Variants in SLC28A3 observed in about 807,000 individuals in gnomAD.
SLC28A3 encodes the protein solute carrier family 28 member 3.
Under a neutral mutation model 84.2 loss-of-function variants are expected in SLC28A3, and 68 were observed. The ratio of observed to expected loss-of-function variants is 0.81; its 90% CI spans 0.66 to 0.99. The LOEUF is 0.99. Among genes scored for constraint, SLC28A3 ranks in the 50% least tolerant of loss-of-function variants. The probability of loss-of-function intolerance (pLI) is 0.00; values close to 1 mark genes in which losing one functional copy is unlikely to be tolerated. For missense variants in SLC28A3, 712 were observed against 841.5 expected, an observed-to-expected ratio of 0.85 and a Z score of 1.90; for synonymous variants, 267 against 303.6, an observed-to-expected ratio of 0.88 and a Z score of 1.25.
chr9:84,292,947 A>G (rs1588574136), intron 9 of SLC28A3, among the ~76,000 whole-genome samples, 199 bp from the exon 10 acceptor site: 1 of 152,354 alleles, frequency 6.6e-6, no homozygotes, highest in South Asian at 2.1e-4. Flanking sequence ...TGGAGTAGTA[A>G]GTCTGAGTCA....
chr9:84,361,758 A>AT, the SLC28A3 span, among the ~76,000 whole-genome samples: 2 of 151,764 alleles, frequency 1.3e-5, no homozygotes, highest in African/African-American at 4.8e-5. Flanking sequence ...GAAAAAAAAA[A>AT]AATAATAAGC....
intron 1 of SLC28A3, among the ~76,000 whole-genome samples, chr9:84,334,229 G>A (rs1053625760): frequency 5.9e-5 from 9 of 152,184 alleles, no homozygotes; most frequent in Non-Finnish European, 2.9e-5. Flanking sequence ...AACTGGGGAG[G>A]CAGAGGTTGC....
intron 6 of SLC28A3, among the ~76,000 whole-genome samples, chr9:84,299,288 T>C (rs1825534224): frequency 6.6e-6 from 1 of 152,162 alleles, no homozygotes; most frequent in African/African-American, 2.4e-5. Context: ...TCAAAATGGA[T>C]GAGTTTTCTC....
At chr9:84,363,965 T>A in the SLC28A3 span, among the ~76,000 whole-genome samples, 9 of 152,250 alleles carry the variant, frequency 5.9e-5, no homozygotes, top group South Asian at 1.9e-3. Flanking sequence ...AAATTTATCT[T>A]TAATTTTTGT....
intron 1 of SLC28A3, among the ~76,000 whole-genome samples, chr9:84,327,238 A>G (rs1220465987): frequency 6.6e-6 from 1 of 152,044 alleles, no homozygotes; most frequent in African/African-American, 2.4e-5. Flanking sequence ...GATGGCTGTA[A>G]TCTTGAAAAC....
intron 1 of SLC28A3, among the ~76,000 whole-genome samples, chr9:84,320,302 G>A (rs1456283371): frequency 6.6e-6 from 1 of 151,630 alleles, no homozygotes; most frequent in South Asian, 2.1e-4. Context: ...TAATCCACCT[G>A]CCTTGGCCTC....
At chr9:84,361,586 C>T in the SLC28A3 span, among the ~76,000 whole-genome samples, 3 of 152,058 alleles carry the variant, frequency 2.0e-5, no homozygotes, top group Admixed American at 2.0e-4. Context: ...CAGATTCAGG[C>T]CCAGCTCTCC....
intron 2 of SLC28A3, among the ~76,000 whole-genome samples, chr9:84,312,369 G>T (rs1164182788): frequency 6.6e-6 from 1 of 151,930 alleles, no homozygotes; most frequent in African/African-American, 2.4e-5. Flanking sequence ...CATTAAAAAA[G>T]GCTGTGTTCC....
chr9:84,350,519 C>T, the SLC28A3 span, among the ~76,000 whole-genome samples: 7,529 of 151,498 alleles, frequency 0.05, 562 homozygotes, highest in African/African-American at 0.16. Context: ...AATGGTACAC[C>T]TCTATAGGGC....
At chr9:84,345,130 A>G (rs1389892789), upstream of SLC28A3, among the ~76,000 whole-genome samples, 2 of 152,082 alleles carry the variant, frequency 1.3e-5, no homozygotes, top group Non-Finnish European at 2.9e-5. Context: ...CCCAAATTTT[A>G]TGATTTAGCT....
At chr9:84,363,816 T>C in the SLC28A3 span, among the ~76,000 whole-genome samples, 3 of 152,148 alleles carry the variant, frequency 2.0e-5, no homozygotes, top group Non-Finnish European at 2.9e-5. Context: ...TCTTGAACCC[T>C]TGGGCTCAAA....
At chr9:84,325,162 T>C (rs1430276833) in intron 1 of SLC28A3, among the ~76,000 whole-genome samples, 1 of 152,210 alleles carries the variant, frequency 6.6e-6, no homozygotes, top group Non-Finnish European at 1.5e-5. Context: ...TCTTTACTAC[T>C]CTTTTTATCT....
chr9:84,348,582 C>T, the SLC28A3 span, among the ~76,000 whole-genome samples: 2 of 152,186 alleles, frequency 1.3e-5, no homozygotes, highest in African/African-American at 4.8e-5. Flanking sequence ...TAAGCATCTG[C>T]TGTGGATTGA....
chr9:84,305,005 G>A (rs1046353996), intron 4 of SLC28A3, among the ~76,000 whole-genome samples: 2 of 152,106 alleles, frequency 1.3e-5, no homozygotes, highest in Non-Finnish European at 2.9e-5. Flanking sequence ...CTGGAAGACA[G>A]AGCTAGACTC....
the SLC28A3 span, among the ~76,000 whole-genome samples, chr9:84,349,694 C>G: frequency 2.0e-5 from 3 of 152,268 alleles, no homozygotes; most frequent in East Asian, 3.9e-4. Flanking sequence ...TGTCAGTGTT[C>G]AGTAGGGTAA....
chr9:84,312,828 C>T (rs372174436), intron 2 of SLC28A3, among the ~76,000 whole-genome samples: 22 of 152,136 alleles, frequency 1.4e-4, no homozygotes, highest in East Asian at 5.8e-4. Context: ...CATAAGCCAC[C>T]GTGCCCGGCC....
chr9:84,348,053 G>C, the SLC28A3 span, among the ~76,000 whole-genome samples: 1 of 152,106 alleles, frequency 6.6e-6, no homozygotes, highest in South Asian at 2.1e-4. Flanking sequence ...GCACTCTCTG[G>C]ACCAAGTGCA....
the SLC28A3 span, among the ~76,000 whole-genome samples, chr9:84,365,766 G>A: frequency 6.6e-6 from 1 of 152,090 alleles, no homozygotes; most frequent in East Asian, 1.9e-4. Flanking sequence ...GGGTGTGCTC[G>A]AAGACTGGGC....
intron 8 of SLC28A3, among the ~76,000 whole-genome samples, chr9:84,295,228 G>T (rs991516546): frequency 1.3e-5 from 2 of 152,034 alleles, no homozygotes; most frequent in African/African-American, 4.8e-5. Flanking sequence ...TTTACCTATA[G>T]ATTTTCAAAT....
Sources: allele counts gnomAD v4.1 joint callset (sites outside exome capture counted in the v4.1 genomes callset), GRCh38; gene constraint gnomAD v4.1.1; transcripts MANE v1.5; gene names NCBI Gene and HGNC (gene_info 2026-07-23, HGNC 2026-07-21).